Variants in POLR1A observed in about 807,000 individuals in gnomAD.
POLR1A encodes the protein DNA-directed RNA polymerase I subunit RPA1.
In POLR1A, 84 loss-of-function variants were observed where a neutral mutation model predicts 205.3. The observed-to-expected ratio is 0.41, with a 90% confidence interval of 0.34 to 0.49. The LOEUF (loss-of-function observed/expected upper bound fraction) is 0.49. Among genes scored for constraint, POLR1A ranks in the 20% least tolerant of loss-of-function variants. POLR1A has a pLI of 0.22. For missense variants in POLR1A, 1,645 were observed against 2,204.5 expected (o/e 0.75, Z 5.08); for synonymous variants, 799 against 863.7 (o/e 0.93, Z 1.31).
At chr2:86,077,806 C>A (rs913193096) in intron 11 of POLR1A, 53 bp downstream of exon 11, 1 of 1,076,914 alleles carries the variant, frequency 9.3e-7, no homozygotes, top group African/African-American at 2.5e-5. Context: ...CCTGCACGCG[C>A]GCGCGCACAC....
chr2:86,077,761 C>G lies in POLR1A; in HGVS notation c.1380+98G>C, dbSNP rs548461975. The G allele has an allele frequency of 2.9e-5, 41 of 1,408,422 alleles. No individual in the cohort carries two copies. The East Asian group carries it at 8.9e-4, about 31-fold the overall frequency. 87.2% of individuals were successfully genotyped at this position (1,408,422 alleles called of 1,614,324 possible). A position where few individuals can be genotyped will look rare whatever the true frequency, so the allele number is the denominator to read the frequency against. ...ACATCCTGTCCCCAGTCCTCTGCGG[C>G]ATTCTCATCTGCCACCCACGGGGAG... On this transcript the variant is annotated intron_variant, in intron 11 of 33. Coordinates refer to ENST00000263857, the MANE Select transcript of POLR1A (RefSeq NM_015425.6).
At chr2:86,053,538 T>C (rs1672844008) in intron 15 of POLR1A, among the ~76,000 whole-genome samples, 1 of 152,230 alleles carries the variant, frequency 6.6e-6, no homozygotes, top group Admixed American at 6.5e-5. Context: ...GTTAAAGCAT[T>C]AGAAGCTAAT....
In POLR1A at chr2:86,054,163, G is replaced by A; in HGVS notation, c.2185C>T (p.Pro729Ser). The A allele has an allele frequency of 6.2e-7, 1 of 1,613,926 alleles. No individual in the cohort carries two copies. The highest frequency in any genetic ancestry group is 1.1e-5 in the South Asian group (1 of 91,068). Residue 729 changes from proline (P) to serine (S), a missense_variant, in exon 15 of 34, where the codon CCT becomes TCT. This residue lies in a region of POLR1A where 339 missense variants were observed against 415.1 expected (regional missense o/e 0.82). Transcript: ENST00000263857. ...ETPRSVPGFN[P>S]DSMCESQVII... ...ACCTGGGACTCGCACATCGAGTCAG[G>A]GTTAAAGCCAGGAACGGATCGAGGA...
chr2:86,032,281 C>T lies in POLR1A; in HGVS notation c.4263G>A (p.Gln1421=). Residue 1421 remains glutamine, a synonymous_variant, in exon 29 of 34, where the codon CAG becomes CAA. Transcript: ENST00000263857. ...DASDAKRKEK[Q]EEEVDYESEE... ...ACACAGGGTCTCTCACCTCCTCCTC[C>T]TGCTTCTCCTTGCGTTTGGCATCAG... 5.6e-6 allele frequency: 9 copies of T among 1,609,684 alleles called. 1 individual carries two copies. The Middle Eastern group carries it at 4.9e-4, about 89-fold the overall frequency.
chr2:86,062,661 A>G (rs897654421), intron 14 of POLR1A, among the ~76,000 whole-genome samples: 1 of 152,126 alleles, frequency 6.6e-6, no homozygotes, highest in South Asian at 2.1e-4. Flanking sequence ...GAAAAAAAAA[A>G]GAGCAAATTA....
chr2:86,030,388 C>T lies in POLR1A; in HGVS notation c.4587G>A (p.Val1529=). The T allele has an allele frequency of 6.2e-7, 1 of 1,613,156 alleles. No individual in the cohort carries two copies. The highest frequency in any genetic ancestry group is 8.5e-7 in the Non-Finnish European group (1 of 1,179,226). The change falls in exon 31 of 34, where the codon GTG becomes GTA. Residue 1529 remains valine, a synonymous_variant. Transcript: ENST00000263857. ...TEESLWCQVT[V]KLPLMKINFD... ...AGTTGATCTTCATCAGAGGGAGCTT[C>T]ACTGTCACCTGCAAAAGGAGGGAGA...
Position 86,021,147 on chromosome 2 carries a change from T to G in POLR1A, c.*6276A>C, listed in dbSNP as rs1690127205. The G allele has an allele frequency of 6.6e-6, 1 of 152,190 alleles. No homozygotes were observed. Among genetic ancestry groups the G allele is most frequent in the Non-Finnish European group, 1.5e-5 (1 of 68,048 alleles). The allele number at this position is 152,190 out of a possible 1,614,324, so 9.4% of individuals were successfully genotyped here. A position where few individuals can be genotyped will look rare whatever the true frequency, so the allele number is the denominator to read the frequency against. ...AATCATGGGTTGGGGAAGGCAAGTG[T>G]TTACTGTGGTCCAGCTGAGGACTGT... On this transcript the variant is annotated 3_prime_UTR_variant, in exon 34 of 34. Transcript: ENST00000263857.
In POLR1A at chr2:86,029,090, A is replaced by G. The variant is rs538150815; in HGVS notation, c.4780-379T>C. Among the ~76,000 whole-genome samples, 256 of 152,338 alleles carry G rather than the reference A, an allele frequency of 1.7e-3. 1 individual carries two copies. Among genetic ancestry groups the G allele is most frequent in the Middle Eastern group, 6.8e-3 (2 of 294 alleles). On this transcript the variant is annotated intron_variant, in intron 31 of 33. Coordinates refer to ENST00000263857, the MANE Select transcript of POLR1A (RefSeq NM_015425.6). ...GCAGCGACACATTACACACCCCTCCAGGGTGCATGGAGTGGGGGCCAGTCA... is the reference window on the plus strand; with the variant it reads ...GCAGCGACACATTACACACCCCTCCGGGGTGCATGGAGTGGGGGCCAGTCA...
At chr2:86,075,840 T>C (rs943299006) in intron 11 of POLR1A, among the ~76,000 whole-genome samples, 1 of 152,212 alleles carries the variant, frequency 6.6e-6, no homozygotes, top group African/African-American at 2.4e-5. Context: ...CTTCATTTTC[T>C]TATCTGCCAA....
chr2:86,065,275 T>A lies in POLR1A; in HGVS notation c.2057A>T (p.Gln686Leu). ...CACTGGCTGTTCTCTCCCAATTACCTGTTTTCCTGTCCACAGCGGAAAGGG... is the reference window on the plus strand; with the variant it reads ...CACTGGCTGTTCTCTCCCAATTACCAGTTTTCCTGTCCACAGCGGAAAGGG... ...LKPFPLWTGKQVVSTLLINII... is the reference protein window; with the variant it reads ...LKPFPLWTGKLVVSTLLINII... Residue 686 changes from glutamine (Q) to leucine (L), a missense_variant and splice_region_variant, in exon 14 of 34, where the codon CAG becomes CTG. Gln to Leu is a moderately radical substitution (Grantham distance 113, BLOSUM62 -2). Coordinates refer to ENST00000263857, the MANE Select transcript of POLR1A (RefSeq NM_015425.6). 2 of 1,612,392 alleles carry A rather than the reference T, an allele frequency of 1.2e-6. No homozygotes were observed. Among genetic ancestry groups the A allele is most frequent in the Non-Finnish European group, 1.7e-6 (2 of 1,179,288 alleles).
At position 86,039,351 on chromosome 2, in the gene POLR1A, T is replaced by A; in HGVS notation, c.3852A>T (p.Gln1284His). The A allele has an allele frequency of 6.2e-7, 1 of 1,613,946 alleles. No individual in the cohort carries two copies. Among genetic ancestry groups the A allele is most frequent in the East Asian group, 2.2e-5 (1 of 44,864 alleles). Residue 1284 changes from glutamine to histidine, a missense_variant, in exon 26 of 34, where the codon CAA (glutamine) becomes CAT (histidine). Coordinates refer to ENST00000263857, the MANE Select transcript of POLR1A (RefSeq NM_015425.6). The stretch of plus-strand genomic sequence containing the variant: ...CCTCCCCCAAGCACACCCTGGTGAG[T>A]TGCTTCTTCAGGCTTTTCACTCTCT... ...ALKRVKSLKKQLTRVCLGEVL... is the reference protein window; with the variant it reads ...ALKRVKSLKKHLTRVCLGEVL...
In POLR1A at chr2:86,022,287, C is replaced by G. The variant is rs1419392252; in HGVS notation, c.*5136G>C. On this transcript the variant is annotated 3_prime_UTR_variant, in exon 34 of 34. Coordinates refer to ENST00000263857, the MANE Select transcript of POLR1A (RefSeq NM_015425.6). ...CCCCAGGTGGAGCTGATGGTGGCAT[C>G]CTTTGGACCCCACTGTAAAGTCCTT... The G allele has an allele frequency of 1.3e-5, 2 of 152,218 alleles. No homozygotes were observed. The highest frequency in any genetic ancestry group is 4.8e-5 in the African/African-American group (2 of 41,450). 9.4% of individuals were successfully genotyped at this position (152,218 alleles called of 1,614,324 possible).
chr2:86,084,665 C>CTTTTTTTTTTTTTT (rs546893329), intron 6 of POLR1A, among the ~76,000 whole-genome samples: 1 of 127,622 alleles, frequency 7.8e-6, no homozygotes, highest in Non-Finnish European at 1.7e-5. Context: ...TTGCCTTTTC[C>CTTTTTTTTTTTTTT]TTTTTTTTTT....
intron 7 of POLR1A, 95 bp from the exon 8 acceptor site, chr2:86,081,801 AC>A: frequency 1.4e-6 from 1 of 721,734 alleles, no homozygotes; most frequent in South Asian, 1.8e-5. Context: ...TGAGGAAAAA[AC>A]AGAATACAAG....
At position 86,027,470 on chromosome 2, in the gene POLR1A, C is replaced by T. The variant is rs751227263; in HGVS notation, c.5116G>A (p.Val1706Ile). Residue 1706 changes from valine (V) to isoleucine (I), a missense_variant, in exon 34 of 34, where the codon GTC (valine) becomes ATC (isoleucine). Val to Ile is a conservative substitution (Grantham distance 29, BLOSUM62 3). This residue lies in a region of POLR1A where 86 missense variants were observed against 149.8 expected (regional missense o/e 0.57). Transcript: ENST00000263857. ...PSACLVVGKV[V>I]RGGTGLFELK... Reference sequence around the variant, plus strand: ...TCGAACAGGCCTGTCCCGCCCCTGACGACCTTCCCGACCACAAGGCAGGCA... The same window carrying T: ...TCGAACAGGCCTGTCCCGCCCCTGATGACCTTCCCGACCACAAGGCAGGCA... 6 of 1,614,086 alleles carry T rather than the reference C, an allele frequency of 3.7e-6. No individual in the cohort carries two copies. Among genetic ancestry groups the T allele is most frequent in the African/African-American group, 2.7e-5 (2 of 74,944 alleles).
At chr2:86,093,451 A>C (rs1318071062) in intron 3 of POLR1A, among the ~76,000 whole-genome samples, 1 of 152,226 alleles carries the variant, frequency 6.6e-6, no homozygotes, top group East Asian at 1.9e-4. Flanking sequence ...TGATACGATC[A>C]TCAAAAAATG....
rs1261523060 is a variant in POLR1A, at chr2:86,032,124, G to C, written c.4272+148C>G. On this transcript the variant is annotated intron_variant, in intron 29 of 33. Transcript: ENST00000263857. Reference sequence around the variant, plus strand: ...ATGAACCCCATCTTCTCAAGAGAGAGGTATGCTGGGCAGGCAGGTGCTGCT... The same window carrying C: ...ATGAACCCCATCTTCTCAAGAGAGACGTATGCTGGGCAGGCAGGTGCTGCT... 4.6e-6 allele frequency: 3 copies of C among 647,858 alleles called. No homozygotes were observed. The East Asian group carries it at 8.1e-5, about 17-fold the overall frequency. The allele number at this position is 647,858 out of a possible 1,614,324, so 40.1% of individuals were successfully genotyped here. A position where few individuals can be genotyped will look rare whatever the true frequency, so the allele number is the denominator to read the frequency against.
At chr2:86,042,605 C>G (rs1672632761) in intron 23 of POLR1A, among the ~76,000 whole-genome samples, 1 of 152,212 alleles carries the variant, frequency 6.6e-6, no homozygotes, top group Non-Finnish European at 1.5e-5. Flanking sequence ...GAGGGAAAGG[C>G]AGGAGGAAGG....
In POLR1A at chr2:86,030,383, A is replaced by C. The variant is rs201461771; in HGVS notation, c.4592T>G (p.Leu1531Arg). Residue 1531 changes from leucine to arginine, a missense_variant, in exon 31 of 34, where the codon CTC becomes CGC. Around this residue, in one of 16 missense-constraint regions of POLR1A, gnomAD observed 394 missense variants for 468.5 expected, o/e 0.84. Transcript: ENST00000263857. ...GTCAAAGTTGATCTTCATCAGAGGGAGCTTCACTGTCACCTGCAAAAGGAG... is the reference window on the plus strand; with the variant it reads ...GTCAAAGTTGATCTTCATCAGAGGGCGCTTCACTGTCACCTGCAAAAGGAG... ...ESLWCQVTVK[L>R]PLMKINFDMS... 7 of 1,613,532 alleles carry C rather than the reference A, an allele frequency of 4.3e-6. No individual in the cohort carries two copies. Among genetic ancestry groups the C allele is most frequent in the Non-Finnish European group, 5.9e-6 (7 of 1,179,568 alleles).
Sources: gnomAD v4.1 joint callset for allele counts (sites outside exome capture counted in the v4.1 genomes callset) on GRCh38, gnomAD v4.1.1 for gene constraint, gnomAD v4.1.1 regional missense constraint, MANE v1.5 for transcripts, NCBI Gene and HGNC (gene_info 2026-07-23, HGNC 2026-07-21) for gene names.